The following BLTP1 variants were observed in gnomAD, a reference collection of about 807,000 sequenced individuals.
The protein encoded by BLTP1 is fragile site-associated protein.
At chr4:122,187,302 T>C in the BLTP1 span, 2 of 1,445,166 alleles carry the variant, frequency 1.4e-6, no homozygotes, top group South Asian at 3.3e-5. Context: ...TTCTGTTTAC[T>C]GAAGTAGTCA....
chr4:122,188,115 A>T, the BLTP1 span: 1 of 1,419,040 alleles, frequency 7.0e-7, no homozygotes, highest in East Asian at 2.7e-5. Flanking sequence ...AAAATAATAA[A>T]AAACTTCTTA....
chr4:122,294,028 GT>G, the BLTP1 span, among the ~76,000 whole-genome samples: 4 of 152,156 alleles, frequency 2.6e-5, no homozygotes, highest in Non-Finnish European at 5.9e-5. Context: ...TGGGACTCCG[GT>G]CCATCCCTCC....
the BLTP1 span, chr4:122,220,395 GA>G: frequency 1.2e-6 from 2 of 1,611,814 alleles, no homozygotes; most frequent in Non-Finnish European, 1.7e-6. Flanking sequence ...GTTTTGAAAT[GA>G]AAAAAGGATT....
At chr4:122,153,899 T>C in the BLTP1 span, 1 of 590,102 alleles carries the variant, frequency 1.7e-6, no homozygotes, top group South Asian at 7.4e-5. Context: ...AAACGTAATA[T>C]TGGACTAAAA....
the BLTP1 span, among the ~76,000 whole-genome samples, chr4:122,177,429 G>A: frequency 6.6e-6 from 1 of 152,154 alleles, no homozygotes; most frequent in Admixed American, 6.5e-5. Context: ...ACACTGGCCA[G>A]ATCTTTTAAA....
chr4:122,208,406 T>C, the BLTP1 span: 1 of 985,168 alleles, frequency 1.0e-6, no homozygotes, highest in Non-Finnish European at 1.2e-6. Context: ...GAACAAAGAA[T>C]AGAAGTCCTA....
the BLTP1 span, among the ~76,000 whole-genome samples, chr4:122,236,578 A>G: frequency 1.3e-4 from 20 of 152,286 alleles, no homozygotes; most frequent in African/African-American, 4.8e-4. Context: ...TGAGAAGAAA[A>G]TAGAATCAGG....
chr4:122,260,173 A>G, the BLTP1 span, among the ~76,000 whole-genome samples: 6 of 152,204 alleles, frequency 3.9e-5, no homozygotes, highest in African/African-American at 1.4e-4. Flanking sequence ...GCATATTACT[A>G]TCCTGAAACC....
the BLTP1 span, among the ~76,000 whole-genome samples, chr4:122,253,894 A>G: frequency 6.6e-6 from 1 of 152,200 alleles, no homozygotes; most frequent in African/African-American, 2.4e-5. Context: ...GGATCCCAAA[A>G]GCAGCAAGAG....
chr4:122,313,878 AATATATACATATATATAT>A, the BLTP1 span: 2 of 164,272 alleles, frequency 1.2e-5, no homozygotes, highest in Non-Finnish European at 2.4e-5. Context: ...TATATATATA[AATATATACATATATATAT>A]ACTACAAGAT....
chr4:122,326,819 C>T, the BLTP1 span, among the ~76,000 whole-genome samples: 5 of 151,384 alleles, frequency 3.3e-5, no homozygotes, highest in Admixed American at 3.3e-4. Context: ...AAATATGAAA[C>T]AAATATTTAT....
the BLTP1 span, among the ~76,000 whole-genome samples, chr4:122,332,392 G>T: frequency 1.3e-5 from 2 of 151,834 alleles, no homozygotes; most frequent in Non-Finnish European, 2.9e-5. Context: ...CTAATATTTA[G>T]CTGTATTTTT....
At chr4:122,247,191 A>G in the BLTP1 span, 3 of 1,613,266 alleles carry the variant, frequency 1.9e-6, no homozygotes, top group Non-Finnish European at 1.7e-6. Flanking sequence ...ACAATGCAGA[A>G]CCTGGTAGAA....
chr4:122,254,177 G>GT, the BLTP1 span: 1 of 1,609,402 alleles, frequency 6.2e-7, no homozygotes, highest in East Asian at 2.2e-5. Flanking sequence ...TAAGTTTTTG[G>GT]CATTCTATTT....
the BLTP1 span, among the ~76,000 whole-genome samples, chr4:122,186,426 C>T: frequency 6.6e-6 from 1 of 151,800 alleles, no homozygotes; most frequent in Non-Finnish European, 1.5e-5. Flanking sequence ...CCGTTCTATT[C>T]CCTTGCACAC....
the BLTP1 span, among the ~76,000 whole-genome samples, chr4:122,290,309 A>G: frequency 2.0e-5 from 3 of 152,304 alleles, no homozygotes; most frequent in African/African-American, 7.2e-5. Flanking sequence ...AAATAAATAT[A>G]TAGTAAAATT....
the BLTP1 span, chr4:122,210,801 A>G: frequency 6.6e-7 from 1 of 1,513,040 alleles, no homozygotes; most frequent in South Asian, 1.3e-5. Context: ...AAAATTTCTT[A>G]GTGAATATTT....
chr4:122,267,310 C>A, the BLTP1 span, among the ~76,000 whole-genome samples: 1 of 151,938 alleles, frequency 6.6e-6, no homozygotes, highest in Non-Finnish European at 1.5e-5. Flanking sequence ...CCACCCGCCT[C>A]GGCCTCCCAA....
the BLTP1 span, among the ~76,000 whole-genome samples, chr4:122,220,076 C>T: frequency 6.6e-6 from 1 of 152,070 alleles, no homozygotes; most frequent in Non-Finnish European, 1.5e-5. Flanking sequence ...CCCCAAGAAC[C>T]CAGGGACTTT....
Sources: allele counts gnomAD v4.1 joint callset (sites outside exome capture counted in the v4.1 genomes callset), GRCh38; gene constraint gnomAD v4.1.1; transcripts MANE v1.5; gene names NCBI Gene and HGNC (gene_info 2026-07-23, HGNC 2026-07-21).